Variants in USP6NL observed in about 807,000 individuals in gnomAD.
USP6NL encodes USP6 N-terminal like, also known as USP6 N-terminal-like protein.
Under a neutral mutation model 61.9 loss-of-function variants are expected in USP6NL, and 26 were observed. That is an observed-to-expected ratio of 0.42 (90% CI 0.31 to 0.58). The LOEUF is 0.58. USP6NL is among the 20% of genes least tolerant of loss of function. The pLI, the probability that USP6NL is intolerant of heterozygous loss-of-function variation, is 0.16. For synonymous variants in USP6NL, 432 were observed against 390.1 expected (o/e 1.11, Z -1.27); for missense variants, 1,114 against 1,034.3 (o/e 1.08, Z -1.06).
rs1833688682 is a variant in USP6NL, at chr10:11,490,925, T to C, written c.495-45A>G. 6.8e-7 allele frequency: 1 copy of C among 1,472,662 alleles called. No individual in the cohort carries two copies. The highest frequency in any genetic ancestry group is 1.4e-5 in the African/African-American group (1 of 69,778). The allele number at this position is 1,472,662 out of a possible 1,614,324, so 91.2% of individuals were successfully genotyped here. On this transcript the variant is annotated intron_variant, in intron 8 of 14. Transcript: ENST00000609104. This position sits in a 1 kb window ranked among gnomAD's most constrained non-coding sequence, Gnocchi z 4.5. ...TTAAATACAATTTAGTAATTTCACA[T>C]ATTTTAAAAATTACAAACTTAAAAA...
chr10:11,577,042 T>A (rs904260948), intron 2 of USP6NL, among the ~76,000 whole-genome samples: 1 of 151,736 alleles, frequency 6.6e-6, no homozygotes, highest in Non-Finnish European at 1.5e-5. Flanking sequence ...TAAAAATATA[T>A]AATTTTCCTT....
At position 11,602,140 on chromosome 10, in the gene USP6NL, G is replaced by C. The variant is rs1165442744; in HGVS notation, c.-83-4423C>G. Among the ~76,000 whole-genome samples, 1 of 152,068 alleles carries C rather than the reference G, an allele frequency of 6.6e-6. No individual in the cohort carries two copies. The highest frequency in any genetic ancestry group is 6.6e-5 in the Admixed American group (1 of 15,264). On this transcript the variant is annotated intron_variant, in intron 1 of 14. Transcript: ENST00000609104. The surrounding 1 kb of genome is among the most constrained non-coding windows in gnomAD (Gnocchi z 4.8). ...TAATTCACATTTAATAGATTCTCAT[G>C]TACTCATTTAAAATGTCTTAAAGAA...
chr10:11,480,435 T>G (rs981705453), intron 14 of USP6NL, among the ~76,000 whole-genome samples: 1 of 152,136 alleles, frequency 6.6e-6, no homozygotes, highest in Admixed American at 6.5e-5. Flanking sequence ...GCAAGGTATT[T>G]AAAAATAAAT....
chr10:11,521,267 T>C (rs575631195), intron 4 of USP6NL, among the ~76,000 whole-genome samples: 46 of 149,442 alleles, frequency 3.1e-4, no homozygotes, highest in African/African-American at 1.1e-3. Context: ...ATAGGATTGG[T>C]AGAAAGAGTT....
rs56221814 is a variant in USP6NL, at chr10:11,560,714, TTATATA to T, written c.5-33153_5-33148del. Reference sequence around the variant, plus strand: ...CCAAACAGTAAAAAATATATATATATTATATATATATATATATATATTCAAACAACA... The same window carrying T: ...CCAAACAGTAAAAAATATATATATATTATATATATATATATTCAAACAACA... On this transcript the variant is annotated intron_variant, in intron 2 of 14. Coordinates refer to ENST00000609104, the MANE Select transcript of USP6NL (RefSeq NM_014688.5). Among the ~76,000 whole-genome samples the T allele has an allele frequency of 2.5e-3, 350 of 141,310 alleles. 2 individuals are homozygous for T. Among genetic ancestry groups the T allele is most frequent in the African/African-American group, 8.4e-3 (324 of 38,520 alleles). 92.7% of individuals were successfully genotyped at this position (141,310 alleles called of 152,430 possible). A position where few individuals can be genotyped will look rare whatever the true frequency, so the allele number is the denominator to read the frequency against.
intron 2 of USP6NL, among the ~76,000 whole-genome samples, chr10:11,568,610 C>G (rs11257173): frequency 0.12 from 17,721 of 152,180 alleles, 1,354 homozygotes; most frequent in East Asian, 0.16. Context: ...CATTAGAAAC[C>G]ATACTAGTGA....
intron 2 of USP6NL, among the ~76,000 whole-genome samples, chr10:11,571,414 A>G (rs1028783636): frequency 3.3e-5 from 5 of 151,946 alleles, no homozygotes; most frequent in African/African-American, 1.2e-4. Context: ...CATATCCTTG[A>G]CTCTTACTTA....
intron 2 of USP6NL, among the ~76,000 whole-genome samples, chr10:11,549,833 A>C (rs2133483935): frequency 6.6e-6 from 1 of 152,366 alleles, no homozygotes; most frequent in South Asian, 2.1e-4. Flanking sequence ...AGTTAGAATT[A>C]GCCCTGAAAG....
Position 11,495,537 on chromosome 10 carries a change from A to T in USP6NL, c.385-2309T>A, listed in dbSNP as rs1326903160. On this transcript the variant is annotated intron_variant, in intron 7 of 14. Coordinates refer to ENST00000609104, the MANE Select transcript of USP6NL (RefSeq NM_014688.5). This position sits in a 1 kb window ranked among gnomAD's most constrained non-coding sequence, Gnocchi z 4.6. ...CTTGTATTTTTCTGTATTATTTTACATCTCTTTGCTTTTATAACTGACATT... is the reference window on the plus strand; with the variant it reads ...CTTGTATTTTTCTGTATTATTTTACTTCTCTTTGCTTTTATAACTGACATT... Among the ~76,000 whole-genome samples the T allele has an allele frequency of 6.6e-6, 1 of 152,004 alleles. No individual in the cohort carries two copies. Among genetic ancestry groups the T allele is most frequent in the Non-Finnish European group, 1.5e-5 (1 of 67,998 alleles).
rs142649349 is a variant in USP6NL at position 11,528,128 on chromosome 10, GACACAC to G, written c.5-567_5-562del. Among the ~76,000 whole-genome samples the G allele has an allele frequency of 3.6e-3, 511 of 142,260 alleles. 2 individuals carry two copies. Among genetic ancestry groups the G allele is most frequent in the African/African-American group, 0.012 (443 of 38,488 alleles). The allele number at this position is 142,260 out of a possible 152,430, so 93.3% of individuals were successfully genotyped here. A position where few individuals can be genotyped will look rare whatever the true frequency, so the allele number is the denominator to read the frequency against. ...ACATATGTGTGTGGACACACACACA[GACACAC>G]ACACACACACACACACACACACACA... On this transcript the variant is annotated intron_variant, in intron 2 of 14. Transcript: ENST00000609104. The surrounding 1 kb of genome is among the most constrained non-coding windows in gnomAD (Gnocchi z 4.6).
chr10:11,586,076 G>T (rs1164126720), intron 2 of USP6NL, among the ~76,000 whole-genome samples: 5 of 152,078 alleles, frequency 3.3e-5, no homozygotes, highest in African/African-American at 1.2e-4. Flanking sequence ...GATGGTAAAT[G>T]GTCTGTGTAC....
intron 2 of USP6NL, among the ~76,000 whole-genome samples, chr10:11,542,906 G>A (rs974828492): frequency 2.0e-5 from 3 of 152,074 alleles, no homozygotes; most frequent in African/African-American, 7.2e-5. Flanking sequence ...ACATGTCTCC[G>A]TCACCTCCTT....
intron 6 of USP6NL, among the ~76,000 whole-genome samples, chr10:11,502,332 G>T (rs932242772): frequency 6.6e-6 from 1 of 151,142 alleles, no homozygotes; most frequent in African/African-American, 2.4e-5. Flanking sequence ...ATTGCCCTAA[G>T]AATCTTAAGT....
intron 14 of USP6NL, among the ~76,000 whole-genome samples, chr10:11,480,257 C>A (rs1219315583): frequency 6.6e-6 from 1 of 152,188 alleles, no homozygotes; most frequent in Non-Finnish European, 1.5e-5. Flanking sequence ...TGGTACGTGG[C>A]ACACAGTAAA....
At chr10:11,539,351 C>T (rs1339948357) in intron 2 of USP6NL, among the ~76,000 whole-genome samples, 1 of 152,210 alleles carries the variant, frequency 6.6e-6, no homozygotes, top group Non-Finnish European at 1.5e-5. Context: ...ACAGAGGAGA[C>T]AATTTGATCT....
chr10:11,520,042 G>A lies in USP6NL; in HGVS notation c.156-1468C>T, dbSNP rs1697242294. ...CTACAGCCACAAAACTAACACAAAAGAATAACCGCCAAAAGAGATCTTAGA... is the reference window on the plus strand; with the variant it reads ...CTACAGCCACAAAACTAACACAAAAAAATAACCGCCAAAAGAGATCTTAGA... On this transcript the variant is annotated intron_variant, in intron 4 of 14. Transcript: ENST00000609104. The surrounding 1 kb of genome is among the most constrained non-coding windows in gnomAD (Gnocchi z 5.2). Among the ~76,000 whole-genome samples the A allele has an allele frequency of 6.6e-6, 1 of 152,086 alleles. No homozygotes were observed. The highest frequency in any genetic ancestry group is 1.5e-5 in the Non-Finnish European group (1 of 68,004).
intron 2 of USP6NL, among the ~76,000 whole-genome samples, chr10:11,569,610 C>G (rs1837287647): frequency 6.6e-6 from 1 of 152,088 alleles, no homozygotes; most frequent in Non-Finnish European, 1.5e-5. Flanking sequence ...AACCCGAAGG[C>G]TGATCGATAA....
At position 11,553,546 on chromosome 10, in the gene USP6NL, T is replaced by C. The variant is rs2133497810; in HGVS notation, c.5-25979A>G. Among the ~76,000 whole-genome samples, 1 of 152,284 alleles carries C rather than the reference T, an allele frequency of 6.6e-6. No homozygotes were observed. Among genetic ancestry groups the C allele is most frequent in the South Asian group, 2.1e-4 (1 of 4,824 alleles). ...TATGGGAATATATACTTACATCCAT[T>C]CATTGAACCCTCACTCCATTCATCA... On this transcript the variant is annotated intron_variant, in intron 2 of 14. Transcript: ENST00000609104. The surrounding 1 kb of genome is among the most constrained non-coding windows in gnomAD (Gnocchi z 4.8).
At chr10:11,519,435 G>A (rs944312076) in intron 4 of USP6NL, among the ~76,000 whole-genome samples, 22 of 152,168 alleles carry the variant, frequency 1.4e-4, no homozygotes, top group African/African-American at 5.1e-4. Flanking sequence ...TTGAAGACCA[G>A]ACTGCCCAAC....
Sources: allele counts gnomAD v4.1 joint callset (sites outside exome capture counted in the v4.1 genomes callset), GRCh38; gene constraint gnomAD v4.1.1; non-coding constraint Gnocchi (gnomAD v3.1); transcripts MANE v1.5; gene names NCBI Gene and HGNC (gene_info 2026-07-23, HGNC 2026-07-21).